The following SNX25 variants were observed in gnomAD, a reference collection of about 807,000 sequenced individuals.
The protein encoded by SNX25 is sorting nexin 25, also known as sorting nexin-25.
In SNX25, 62 loss-of-function variants were observed where a neutral mutation model predicts 113.7. That is an observed-to-expected ratio of 0.55 (90% CI 0.44 to 0.67). The LOEUF is 0.67. Among genes scored for constraint, SNX25 ranks in the 30% least tolerant of loss-of-function variants. The pLI is 0.00. For synonymous variants in SNX25, 421 were observed against 436.2 expected, an observed-to-expected ratio of 0.97 and a Z score of 0.43; for missense variants, 1,014 against 1,161.0, an observed-to-expected ratio of 0.87 and a Z score of 1.84.
At chr4:185,328,799 T>A (rs1294523119) in intron 9 of SNX25, among the ~76,000 whole-genome samples, 1 of 151,954 alleles carries the variant, frequency 6.6e-6, no homozygotes, top group Non-Finnish European at 1.5e-5. Flanking sequence ...AGAGGGAGAA[T>A]GGCGGATTGA....
At position 185,222,081 on chromosome 4, in the gene SNX25, G is replaced by A. The variant is rs116660102; in HGVS notation, c.429+11826G>A. Among the ~76,000 whole-genome samples the A allele has an allele frequency of 5.0e-3, 94 of 18,900 alleles. 2 individuals carry two copies. The highest frequency in any genetic ancestry group is 0.013 in the African/African-American group (86 of 6,594). The allele number at this position is 18,900 out of a possible 152,430, so 12.4% of individuals were successfully genotyped here. On this transcript the variant is annotated intron_variant, in intron 1 of 18. Transcript: ENST00000652585. ...CCCTCCTTCATGGTAGGTATATAGC[G>A]CCATATACCCCTCCTTCACGGTAGA...
chr4:185,285,884 T>C (rs1051740763), intron 5 of SNX25, among the ~76,000 whole-genome samples: 4 of 151,978 alleles, frequency 2.6e-5, no homozygotes, highest in Non-Finnish European at 5.9e-5. Context: ...GTGATCCTCC[T>C]GCCTCAGGCT....
At chr4:185,246,722 AT>A (rs1174425719) in intron 1 of SNX25, among the ~76,000 whole-genome samples, 2 of 151,936 alleles carry the variant, frequency 1.3e-5, no homozygotes, top group African/African-American at 4.8e-5. Context: ...CAGATTTGTC[AT>A]TTTTTCCCCC....
intron 2 of SNX25, 45 bp downstream of exon 2, chr4:185,247,423 A>C: frequency 7.7e-7 from 1 of 1,297,924 alleles, no homozygotes; most frequent in Non-Finnish European, 1.1e-6. Context: ...AAAGCAATTC[A>C]TTATGTTCTA....
At chr4:185,340,065 C>A (rs767195460) in intron 11 of SNX25, among the ~76,000 whole-genome samples, 11 of 152,094 alleles carry the variant, frequency 7.2e-5, no homozygotes, top group Non-Finnish European at 1.5e-4. Context: ...GCGTTTATGT[C>A]ATTACTGTTG....
At chr4:185,342,783 C>T (rs549598258) in intron 12 of SNX25, among the ~76,000 whole-genome samples, 8 of 152,332 alleles carry the variant, frequency 5.3e-5, no homozygotes, top group East Asian at 1.9e-4. Context: ...CAGTAAGGTG[C>T]GGTGCTTGGA....
intron 1 of SNX25, among the ~76,000 whole-genome samples, chr4:185,233,919 G>A (rs984627399): frequency 4.6e-5 from 7 of 152,004 alleles, no homozygotes; most frequent in Non-Finnish European, 1.0e-4. Flanking sequence ...GTGCAGTGGC[G>A]CGATCTTGGC....
At chr4:185,262,536 A>G (rs1009430958) in intron 3 of SNX25, among the ~76,000 whole-genome samples, 1 of 152,148 alleles carries the variant, frequency 6.6e-6, no homozygotes, top group African/African-American at 2.4e-5. Context: ...TGTAATTTAA[A>G]GAGTTGGGAC....
chr4:185,346,452 G>GTT, intron 12 of SNX25, 85 bp from the exon 13 acceptor site: 1 of 928,528 alleles, frequency 1.1e-6, no homozygotes, highest in South Asian at 1.6e-5. Flanking sequence ...GAGGATATTT[G>GTT]TTTTGTTCTA....
At chr4:185,369,859 A>C in exon 12 of SNX25, 1 of 397,820 alleles carries the variant, frequency 2.5e-6, no homozygotes, top group Admixed American at 3.2e-5. Flanking sequence ...TTTAACATGC[A>C]GAGAAGCTTG....
chr4:185,210,342 C>T lies in SNX25; in HGVS notation c.429+87C>T. ...CCGCGCCCCGAGCTCCGGGGGGCCG[C>T]GGCATGCCCTTGTCGAAGCGGGAAG... is the stretch of plus-strand genomic sequence containing the variant. On this transcript the variant is annotated intron_variant, in intron 1 of 18. Coordinates refer to ENST00000652585, the MANE Select transcript of SNX25 (RefSeq NM_001378034.2). The surrounding 1 kb of genome is among the most constrained non-coding windows in gnomAD (Gnocchi z 4.4). 1 of 981,842 alleles carries T rather than the reference C, an allele frequency of 1.0e-6. No homozygotes were observed. The highest frequency in any genetic ancestry group is 1.2e-6 in the Non-Finnish European group (1 of 828,076). 60.8% of individuals were successfully genotyped at this position (981,842 alleles called of 1,614,324 possible).
At chr4:185,222,449 C>T (rs3108262) in intron 1 of SNX25, among the ~76,000 whole-genome samples, 88,450 of 141,184 alleles carry the variant, frequency 0.63, 27,295 homozygotes, top group East Asian at 0.71. Flanking sequence ...ACCCCTCCCT[C>T]GCGGTAGGTA....
intron 6 of SNX25, among the ~76,000 whole-genome samples, chr4:185,293,273 T>C (rs947589402): frequency 6.6e-6 from 1 of 152,354 alleles, no homozygotes; most frequent in Non-Finnish European, 1.5e-5. Context: ...ACCTAGCATT[T>C]CTACTCCTAG....
chr4:185,347,444 T>G (rs1397168482), intron 13 of SNX25, among the ~76,000 whole-genome samples: 2 of 149,610 alleles, frequency 1.3e-5, no homozygotes, highest in Non-Finnish European at 3.0e-5. Context: ...GGGTTTGGTG[T>G]TTTTTTTTGT....
At chr4:185,212,290 T>C (rs1737944277) in intron 1 of SNX25, among the ~76,000 whole-genome samples, 1 of 85,546 alleles carries the variant, frequency 1.2e-5, no homozygotes, top group African/African-American at 4.0e-5. Flanking sequence ...ACCCTGCCTC[T>C]TAAAAAAAAA....
At chr4:185,357,248 T>C (rs185796483) in intron 15 of SNX25, among the ~76,000 whole-genome samples, 1 of 152,358 alleles carries the variant, frequency 6.6e-6, no homozygotes, top group African/African-American at 2.4e-5. Context: ...CATCCGTTCA[T>C]TAATATTTCA....
intron 2 of SNX25, among the ~76,000 whole-genome samples, chr4:185,251,928 T>G (rs1745722822): frequency 6.6e-6 from 1 of 152,138 alleles, no homozygotes; most frequent in Non-Finnish European, 1.5e-5. Context: ...TCCAAAGCCT[T>G]TGGGTAAGCG....
intron 1 of SNX25, among the ~76,000 whole-genome samples, chr4:185,240,826 T>G (rs1404602681): frequency 6.7e-6 from 1 of 148,374 alleles, no homozygotes; most frequent in African/African-American, 2.5e-5. Flanking sequence ...GCAGAGGGTC[T>G]CCTCACTTCT....
chr4:185,307,679 T>C (rs1323241556), intron 6 of SNX25, among the ~76,000 whole-genome samples: 1 of 152,224 alleles, frequency 6.6e-6, no homozygotes, highest in African/African-American at 2.4e-5. Context: ...TCCATGTTAC[T>C]ACAGTGGAGG....
Sources: gnomAD v4.1 joint callset for allele counts (sites outside exome capture counted in the v4.1 genomes callset) on GRCh38, gnomAD v4.1.1 for gene constraint, Gnocchi (gnomAD v3.1) non-coding constraint, MANE v1.5 for transcripts, NCBI Gene and HGNC (gene_info 2026-07-23, HGNC 2026-07-21) for gene names.